The following DSCAM variants were observed in gnomAD, a reference collection of about 807,000 sequenced individuals.
DSCAM encodes DS cell adhesion molecule, also known as cell adhesion molecule DSCAM.
In DSCAM, 47 loss-of-function variants were observed where a neutral mutation model predicts 217.7. The ratio of observed to expected loss-of-function variants is 0.22; its 90% CI spans 0.17 to 0.28. The LOEUF (loss-of-function observed/expected upper bound fraction) is 0.28, where lower values mean the gene tolerates loss of function less well. Ranked by LOEUF, DSCAM falls within the 10% of genes least tolerant of loss-of-function variation. DSCAM has a pLI of 1.00. For synonymous variants in DSCAM, 1,056 were observed against 1,015.3 expected (o/e 1.04, Z -0.76); for missense variants, 2,080 against 2,618.3 (o/e 0.79, Z 4.49).
At chr21:40,332,294 TGA>T (rs2074385613) in intron 8 of DSCAM, among the ~76,000 whole-genome samples, 1 of 152,202 alleles carries the variant, frequency 6.6e-6, no homozygotes, top group Admixed American at 6.5e-5. Flanking sequence ...ATTATTCTTC[TGA>T]GAGTCACCAC....
At chr21:40,085,787 GCA>G (rs2089525464) in intron 22 of DSCAM, 22 bp from the exon 23 acceptor site, 2 of 1,470,668 alleles carry the variant, frequency 1.4e-6, no homozygotes, top group Non-Finnish European at 1.8e-6. Flanking sequence ...GAAGAAAAAT[GCA>G]CAGATTAAAG....
chr21:40,037,572 G>A lies in DSCAM; in HGVS notation c.5686+4799C>T, dbSNP rs990730004. Among the ~76,000 whole-genome samples the A allele has an allele frequency of 8.1e-5, 12 of 149,008 alleles. 2 individuals carry two copies. Among genetic ancestry groups the A allele is most frequent in the African/African-American group, 1.8e-4 (7 of 38,670 alleles). On this transcript the variant is annotated intron_variant, in intron 32 of 32. Coordinates refer to ENST00000400454, the MANE Select transcript of DSCAM (RefSeq NM_001389.5). ...CTCATGGGTAGGAAGAATTAATATC[G>A]TGAAAATGGCCATACTGCCCAAGGT... is the stretch of plus-strand genomic sequence containing the variant.
intron 3 of DSCAM, among the ~76,000 whole-genome samples, chr21:40,485,767 TTG>T (rs2076022857): frequency 6.6e-6 from 1 of 152,156 alleles, no homozygotes; most frequent in Admixed American, 6.5e-5. Flanking sequence ...TATACTTAAA[TTG>T]TGTGTCAAAT....
At chr21:40,134,881 G>A (rs573356546) in intron 18 of DSCAM, among the ~76,000 whole-genome samples, 1 of 152,306 alleles carries the variant, frequency 6.6e-6, no homozygotes, top group South Asian at 2.1e-4. Flanking sequence ...TTTACCTGGA[G>A]TGAACTCCTC....
intron 2 of DSCAM, among the ~76,000 whole-genome samples, chr21:40,696,167 A>G (rs1291351971): frequency 3.3e-5 from 5 of 152,156 alleles, no homozygotes; most frequent in Non-Finnish European, 4.4e-5. Context: ...GCTTGGTGTC[A>G]TAAGTTAGGC....
At position 40,339,152 on chromosome 21, in the gene DSCAM, C is replaced by G. The variant is rs746695776; in HGVS notation, c.1474G>C (p.Val492Leu). The G allele has an allele frequency of 1.2e-6, 2 of 1,614,202 alleles. No individual in the cohort carries two copies. The highest frequency in any genetic ancestry group is 1.7e-6 in the Non-Finnish European group (2 of 1,180,032). Residue 492 changes from valine (V) to leucine (L), a missense_variant, in exon 7 of 33, where the codon GTC (valine) becomes CTC (leucine). Physicochemically the swap from Val to Leu is conservative, Grantham distance 32. Coordinates refer to ENST00000400454, the MANE Select transcript of DSCAM (RefSeq NM_001389.5). The part of the protein sequence containing the change: ...YRCTANNSAG[V>L]VLYQARINVR... Reference sequence around the variant, plus strand: ...TTTATTCGAGCCTGGTACAGGACGACTCCCGCCGAGTTGTTGGCAGTGCAG... The same window carrying G: ...TTTATTCGAGCCTGGTACAGGACGAGTCCCGCCGAGTTGTTGGCAGTGCAG...
intron 3 of DSCAM, among the ~76,000 whole-genome samples, chr21:40,409,353 G>A (rs1047410599): frequency 1.3e-5 from 2 of 152,146 alleles, no homozygotes; most frequent in African/African-American, 4.8e-5. Flanking sequence ...TATAAATTTG[G>A]AAAACATGCA....
At chr21:40,281,993 A>C in intron 10 of DSCAM, among the ~76,000 whole-genome samples, 1 of 152,094 alleles carries the variant, frequency 6.6e-6, no homozygotes, top group East Asian at 1.9e-4. Flanking sequence ...TGAGATAATC[A>C]TTTTTTTCTC....
intron 11 of DSCAM, among the ~76,000 whole-genome samples, chr21:40,251,434 T>C (rs1280861435): frequency 6.6e-6 from 1 of 152,230 alleles, no homozygotes; most frequent in Non-Finnish European, 1.5e-5. Context: ...CCATTCCCGA[T>C]GTTTCCTTCT....
chr21:40,586,787 G>A (rs188096575), intron 3 of DSCAM, among the ~76,000 whole-genome samples: 5 of 152,218 alleles, frequency 3.3e-5, no homozygotes, highest in South Asian at 4.1e-4. Context: ...CAATACTTAC[G>A]CAATCCTCAG....
intron 3 of DSCAM, among the ~76,000 whole-genome samples, chr21:40,533,628 ACCCTCCATCCATCTGT>A (rs2076470845): frequency 3.6e-5 from 4 of 110,632 alleles, no homozygotes; most frequent in African/African-American, 7.9e-5. Context: ...CATCCATCCA[ACCCTCCATCCATCTGT>A]CCATCCATCC....
chr21:40,779,032 GAAAA>G (rs772208075), intron 1 of DSCAM, among the ~76,000 whole-genome samples: 17 of 45,534 alleles, frequency 3.7e-4, no homozygotes, highest in Admixed American at 1.2e-3. Context: ...CTCAAAAACA[GAAAA>G]AAAAAAAAAA....
chr21:40,385,482 A>C (rs1364012283), intron 3 of DSCAM: 1 of 152,246 alleles, frequency 6.6e-6, no homozygotes, highest in Non-Finnish European at 1.5e-5. Context: ...AAGCAGTAAA[A>C]CTGACGTCAA....
chr21:40,106,362 G>T (rs1025629925), intron 20 of DSCAM, among the ~76,000 whole-genome samples: 1 of 152,080 alleles, frequency 6.6e-6, no homozygotes, highest in Non-Finnish European at 1.5e-5. Flanking sequence ...TGTATTGCTG[G>T]ATTCAGTTTT....
chr21:40,270,942 G>A (rs1200022753), intron 11 of DSCAM, among the ~76,000 whole-genome samples: 1 of 152,224 alleles, frequency 6.6e-6, no homozygotes, highest in Non-Finnish European at 1.5e-5. Flanking sequence ...TCCAGGCATA[G>A]ATACACATGT....
intron 3 of DSCAM, among the ~76,000 whole-genome samples, chr21:40,578,816 C>A (rs1340620188): frequency 6.6e-6 from 1 of 152,132 alleles, no homozygotes; most frequent in Admixed American, 6.5e-5. Context: ...GTTTTAGAAT[C>A]CATCCCTGGG....
chr21:40,376,733 T>C (rs1219983137), intron 3 of DSCAM, among the ~76,000 whole-genome samples: 1 of 147,114 alleles, frequency 6.8e-6, no homozygotes, highest in Non-Finnish European at 1.5e-5. Context: ...ATATATATGA[T>C]ATATATAAAG....
At chr21:40,690,535 A>C (rs952176279) in intron 3 of DSCAM, among the ~76,000 whole-genome samples, 1 of 152,208 alleles carries the variant, frequency 6.6e-6, no homozygotes, top group Non-Finnish European at 1.5e-5. Context: ...CACTTCTCCA[A>C]AACTTTTGCA....
chr21:40,381,799 C>A (rs2075028828), intron 3 of DSCAM, among the ~76,000 whole-genome samples: 1 of 152,144 alleles, frequency 6.6e-6, no homozygotes, highest in Non-Finnish European at 1.5e-5. Context: ...GTTGTGAAAT[C>A]AGTTTCATGG....
Sources: allele counts gnomAD v4.1 joint callset (sites outside exome capture counted in the v4.1 genomes callset), GRCh38; gene constraint gnomAD v4.1.1; transcripts MANE v1.5; gene names NCBI Gene and HGNC (gene_info 2026-07-23, HGNC 2026-07-21).